The following FOXN3 variants were observed in gnomAD, a reference collection of about 807,000 sequenced individuals.
FOXN3 encodes forkhead box protein N3.
A neutral mutation model predicts 38.4 loss-of-function variants in FOXN3; 7 were observed. The ratio of observed to expected loss-of-function variants is 0.18; its 90% confidence interval spans 0.10 to 0.34. The LOEUF (loss-of-function observed/expected upper bound fraction) is 0.34. Ranked by LOEUF, FOXN3 falls within the 10% of genes least tolerant of loss-of-function variation. FOXN3 has a pLI of 1.00. For synonymous variants in FOXN3, 230 were observed against 242.2 expected (o/e 0.95, Z 0.47); for missense variants, 456 against 613.4 (o/e 0.74, Z 2.71).
At chr14:89,166,120 T>G (rs1013411034) in intron 5 of FOXN3, among the ~76,000 whole-genome samples, 1 of 152,122 alleles carries the variant, frequency 6.6e-6, no homozygotes, top group African/African-American at 2.4e-5. Context: ...TTTTCCTAAG[T>G]TTGAACATTT....
Position 89,295,493 on chromosome 14 carries a change from T to C in FOXN3, c.681-14479A>G, listed in dbSNP as rs145965922. ...GGCCAGGTTCACAGCACACGGAAGA[T>C]GGTTGTCATTATTCTAAGTGATTCT... On this transcript the variant is annotated intron_variant, in intron 3 of 5. Transcript: ENST00000557258. 2.2e-4 allele frequency among the ~76,000 whole-genome samples: 33 copies of C among 152,296 alleles called. No individual in the cohort carries two copies. The East Asian group carries it at 3.9e-3, about 18-fold the overall frequency.
intron 4 of FOXN3, among the ~76,000 whole-genome samples, chr14:89,257,672 C>T (rs907179389): frequency 3.1e-4 from 47 of 152,136 alleles, no homozygotes; most frequent in African/African-American, 1.1e-3. Flanking sequence ...ATCATTTGAG[C>T]ACAGGAGGTC....
chr14:89,427,399 G>A (rs1483625701), intron 1 of FOXN3, among the ~76,000 whole-genome samples: 43 of 135,144 alleles, frequency 3.2e-4, no homozygotes, highest in Middle Eastern at 4.8e-3. Flanking sequence ...TCCGCCTCCT[G>A]GGTTCAAGCG....
At chr14:89,247,823 T>C (rs1251914996) in intron 4 of FOXN3, among the ~76,000 whole-genome samples, 1 of 152,246 alleles carries the variant, frequency 6.6e-6, no homozygotes, top group Non-Finnish European at 1.5e-5. Context: ...CAGTCTCTTC[T>C]TCATGACTTA....
At chr14:89,370,637 G>T (rs985244869) in intron 2 of FOXN3, among the ~76,000 whole-genome samples, 5 of 152,228 alleles carry the variant, frequency 3.3e-5, no homozygotes, top group African/African-American at 1.2e-4. Flanking sequence ...TGTTTAAAGG[G>T]AATAAGCAGA....
At chr14:89,506,575 C>T (rs1893944974) in intron 1 of FOXN3, among the ~76,000 whole-genome samples, 2 of 151,980 alleles carry the variant, frequency 1.3e-5, no homozygotes, top group South Asian at 2.1e-4. Flanking sequence ...GCCGCCCCTA[C>T]TGGGAAGTGA....
At chr14:89,380,541 A>G (rs946920701) in intron 2 of FOXN3, among the ~76,000 whole-genome samples, 3 of 152,214 alleles carry the variant, frequency 2.0e-5, no homozygotes, top group African/African-American at 7.2e-5. Flanking sequence ...CATGTTGACC[A>G]TGCAGTCCAG....
At chr14:89,261,879 G>C (rs1361657139) in intron 4 of FOXN3, among the ~76,000 whole-genome samples, 1 of 152,186 alleles carries the variant, frequency 6.6e-6, no homozygotes, top group East Asian at 1.9e-4. Flanking sequence ...AGTGAGCCAA[G>C]ATCATGTCAA....
intron 4 of FOXN3, chr14:89,184,027 T>C (rs1434885382): frequency 6.6e-6 from 1 of 152,204 alleles, no homozygotes; most frequent in East Asian, 1.9e-4. Flanking sequence ...ATCGTCATCA[T>C]CAACATGATC....
intron 2 of FOXN3, among the ~76,000 whole-genome samples, chr14:89,396,082 G>A (rs1891091681): frequency 6.6e-6 from 1 of 152,152 alleles, no homozygotes; most frequent in African/African-American, 2.4e-5. Context: ...CTCATTCGAA[G>A]GCTAAAATTC....
At chr14:89,376,969 C>T (rs1355768924) in intron 2 of FOXN3, among the ~76,000 whole-genome samples, 2 of 131,606 alleles carry the variant, frequency 1.5e-5, no homozygotes, top group African/African-American at 2.9e-5. Context: ...TGCAGTGAGC[C>T]GAGACTGCAC....
intron 3 of FOXN3, among the ~76,000 whole-genome samples, chr14:89,321,489 A>G (rs940031302): frequency 3.9e-5 from 6 of 152,114 alleles, no homozygotes; most frequent in African/African-American, 1.4e-4. Context: ...AGGCAGGACA[A>G]TTGCTTGAAC....
At chr14:89,453,559 CAAA>C (rs35296047) in intron 1 of FOXN3, among the ~76,000 whole-genome samples, 3 of 72,748 alleles carry the variant, frequency 4.1e-5, no homozygotes, top group African/African-American at 5.5e-5. Flanking sequence ...GACTCCGTCT[CAAA>C]AAAAAAAAAA....
At chr14:89,569,234 T>A (rs114705835) in intron 1 of FOXN3, among the ~76,000 whole-genome samples, 5,454 of 150,494 alleles carry the variant, frequency 0.036, 311 homozygotes, top group African/African-American at 0.13. Flanking sequence ...ATTTCCATTA[T>A]CCTACCCAGA....
rs552246837 is a variant in FOXN3 at position 89,381,704 on chromosome 14, A to G, written c.543+30230T>C. Among the ~76,000 whole-genome samples, 101 of 152,070 alleles carry G rather than the reference A, an allele frequency of 6.6e-4. No homozygotes were observed. In the South Asian group the frequency reaches 0.014, roughly 21 times the overall value. On this transcript the variant is annotated intron_variant, in intron 2 of 5. Transcript: ENST00000557258. The stretch of plus-strand genomic sequence containing the variant: ...AAGACCCCATCTCTATGAAAAAATT[A>G]AAAAAATTAGCCAGGTGTGATGGTG...
At chr14:89,192,006 AATTAATC>A (rs1349106456) in intron 4 of FOXN3, among the ~76,000 whole-genome samples, 1 of 143,622 alleles carries the variant, frequency 7.0e-6, no homozygotes, top group Non-Finnish European at 1.5e-5. Context: ...TAGCTAATAT[AATTAATC>A]ATTAATCATC....
chr14:89,609,001 A>G (rs1247077990), intron 1 of FOXN3, among the ~76,000 whole-genome samples: 1 of 152,170 alleles, frequency 6.6e-6, no homozygotes, highest in Non-Finnish European at 1.5e-5. Context: ...ACTGTACAAC[A>G]TGGAGGAAGA....
intron 1 of FOXN3, among the ~76,000 whole-genome samples, chr14:89,570,353 C>T (rs1895466786): frequency 6.6e-6 from 1 of 152,062 alleles, no homozygotes; most frequent in African/African-American, 2.4e-5. Context: ...TGCTTGTGGC[C>T]CATTTCAAGT....
At chr14:89,511,193 T>TTCTTTCTTTC (rs1566681007) in intron 1 of FOXN3, among the ~76,000 whole-genome samples, 3 of 15,890 alleles carry the variant, frequency 1.9e-4, no homozygotes, top group African/African-American at 3.5e-4. Flanking sequence ...TTCTTTCTTT[T>TTCTTTCTTTC]CTTTCTTTCT....
Sources: allele counts gnomAD v4.1 joint callset (sites outside exome capture counted in the v4.1 genomes callset), GRCh38; gene constraint gnomAD v4.1.1; transcripts MANE v1.5; gene names NCBI Gene and HGNC (gene_info 2026-07-23, HGNC 2026-07-21).